The following LRRC37B variants were observed in gnomAD, a reference collection of about 807,000 sequenced individuals.
The protein encoded by LRRC37B is leucine rich repeat containing 37B.
Under a neutral mutation model 98.3 loss-of-function variants are expected in LRRC37B, and 28 were observed. The observed-to-expected ratio is 0.28, with a 90% CI of 0.21 to 0.39. The LOEUF (loss-of-function observed/expected upper bound fraction) is 0.39, where lower values mean the gene tolerates loss of function less well. Among genes scored for constraint, LRRC37B ranks in the 10% least tolerant of loss-of-function variants. The pLI, the probability that LRRC37B is intolerant of heterozygous loss-of-function variation, is 1.00. For synonymous variants in LRRC37B, 364 were observed against 442.7 expected (o/e 0.82, Z 2.23); for missense variants, 938 against 1,182.7 (o/e 0.79, Z 3.03).
At chr17:32,018,942 G>C (rs1212126197), upstream of LRRC37B, among the ~76,000 whole-genome samples, 4 of 152,052 alleles carry the variant, frequency 2.6e-5, no homozygotes. Context: ...TGTTGTTGTT[G>C]TTGTTATGGA....
rs548550017 is a variant in LRRC37B, at chr17:32,045,528, T to C, written c.2205-172T>C. The C allele has an allele frequency of 1.3e-4, 83 of 644,454 alleles. No individual in the cohort carries two copies. The African/African-American group carries it at 1.3e-3, about 10-fold the overall frequency. 39.9% of individuals were successfully genotyped at this position (644,454 alleles called of 1,614,324 possible). A position where few individuals can be genotyped will look rare whatever the true frequency, so the allele number is the denominator to read the frequency against. On this transcript the variant is annotated intron_variant, in intron 7 of 11. Transcript: ENST00000327564. ...ACTCACTGCCATGCTTACCCTTCAG[T>C]TGGGCACCTGTGTCCTCCTTCCCAT...
At chr17:32,019,491 T>C (rs1035129521), upstream of LRRC37B, among the ~76,000 whole-genome samples, 9 of 152,238 alleles carry the variant, frequency 5.9e-5, no homozygotes, top group Admixed American at 3.3e-4. Context: ...AATGCATGAC[T>C]GCATATGAAA....
rs377312057 is a variant in LRRC37B at position 32,022,188 on chromosome 17, G to T, written c.1123G>T (p.Val375Leu). 7.4e-6 allele frequency: 12 copies of T among 1,613,900 alleles called. No homozygotes were observed. In the East Asian group the frequency reaches 2.7e-4, roughly 36 times the overall value. Reference sequence around the variant, plus strand: ...CAAGTTTACAGTCAAACCTGCAGATGTGGAGGTTACCATGACTTCAGAGCC... The same window carrying T: ...CAAGTTTACAGTCAAACCTGCAGATTTGGAGGTTACCATGACTTCAGAGCC... Residue 375 changes from valine (V) to leucine (L), a missense_variant, in exon 1 of 12, where the codon GTG becomes TTG. Val to Leu is a conservative substitution (Grantham distance 32). This residue lies in a region of LRRC37B where 610 missense variants were observed against 625.6 expected (regional missense o/e 0.98). Coordinates refer to ENST00000327564, the Ensembl canonical transcript of LRRC37B.
intron 10 of LRRC37B, 147 bp downstream of exon 13, chr17:32,049,541 CTCATGTAGACAGTGAAATAGATTA>C: frequency 1.4e-6 from 1 of 740,164 alleles, no homozygotes; most frequent in East Asian, 2.7e-5. Context: ...TCCCACTTTG[CTCATGTAGACAGTGAAATAGATTA>C]GGGCACAAGA....
intron 5 of LRRC37B, 138 bp from the exon 9 acceptor site, chr17:32,034,772 C>G (rs2142251233): frequency 1.6e-6 from 1 of 612,374 alleles, no homozygotes; most frequent in East Asian, 3.2e-5. Context: ...TTTATGGAGT[C>G]TAATGGTGAT....
intron 1 of LRRC37B, among the ~76,000 whole-genome samples, chr17:32,011,399 A>C (rs192681444): frequency 3.3e-5 from 5 of 151,766 alleles, no homozygotes; most frequent in African/African-American, 7.3e-5. Flanking sequence ...AGGTCTCACT[A>C]TATTGCCCAG....
chr17:32,025,978 T>G (rs1910942110), intron 2 of LRRC37B, among the ~76,000 whole-genome samples: 1 of 152,246 alleles, frequency 6.6e-6, no homozygotes. Flanking sequence ...ACTCATGAAT[T>G]TAATTAAATA....
chr17:32,042,008 G>A (rs1212867668), intron 7 of LRRC37B: 1 of 357,122 alleles, frequency 2.8e-6, no homozygotes, highest in African/African-American at 2.1e-5. Flanking sequence ...CCCTCCACAA[G>A]CCTGCTCCTG....
In LRRC37B at chr17:32,021,188, G is replaced by A. The variant is rs149123211; in HGVS notation, c.123G>A (p.Thr41=). The change falls in exon 1 of 12, where the codon ACG becomes ACA. Residue 41 remains threonine (T), a synonymous_variant. Transcript: ENST00000327564. Reference sequence around the variant, plus strand: ...TCTGGGGCCCATGGCCCCTCCTTACGTGGCAACTATTGTCTTTACTAGTCA... The same window carrying A: ...TCTGGGGCCCATGGCCCCTCCTTACATGGCAACTATTGTCTTTACTAGTCA... 45 of 1,613,300 alleles carry A rather than the reference G, an allele frequency of 2.8e-5. No homozygotes were observed. In the East Asian group the frequency reaches 3.1e-4, roughly 11 times the overall value.
chr17:32,009,978 A>T (rs955087900), intron 1 of LRRC37B, among the ~76,000 whole-genome samples: 3 of 152,246 alleles, frequency 2.0e-5, no homozygotes, highest in East Asian at 3.9e-4. Context: ...AGAGTTCTTT[A>T]TATATTTTGG....
intron 8 of LRRC37B, chr17:32,047,111 AG>A (rs1320262782): frequency 6.4e-6 from 1 of 155,822 alleles, no homozygotes; most frequent in African/African-American, 2.4e-5. Flanking sequence ...CCCAAATTTA[AG>A]AAAAGAACTA....
At chr17:32,022,503 A>G in exon 1 of LRRC37B, 6 of 1,613,402 alleles carry the variant, frequency 3.7e-6, no homozygotes, top group Non-Finnish European at 5.1e-6. Flanking sequence ...GGGGCTTGCC[A>G]TAACTCCAGA....
upstream of LRRC37B, among the ~76,000 whole-genome samples, chr17:32,016,019 T>C (rs1050673117): frequency 3.3e-5 from 5 of 152,310 alleles, no homozygotes; most frequent in East Asian, 9.6e-4. Flanking sequence ...GGCAAACTTT[T>C]TATTAAAAAT....
chr17:32,008,085 A>G, exon 1 of LRRC37B: 1 of 457,094 alleles, frequency 2.2e-6, no homozygotes, highest in Admixed American at 2.6e-5. Context: ...GAAGATGACG[A>G]CGAGGACGCC....
At chr17:32,040,637 C>T (rs1371038131) in intron 7 of LRRC37B, 6 of 778,180 alleles carry the variant, frequency 7.7e-6, no homozygotes, top group African/African-American at 3.4e-5. Flanking sequence ...TGACCATGCT[C>T]AACACAGTGT....
upstream of LRRC37B, among the ~76,000 whole-genome samples, chr17:32,017,629 A>C (rs898392167): frequency 1.8e-4 from 28 of 152,156 alleles, no homozygotes; most frequent in Non-Finnish European, 3.8e-4. Context: ...ACAAAGCAGG[A>C]CCATGTCTCT....
intron 6 of LRRC37B, 146 bp downstream of exon 9, chr17:32,035,127 G>A: frequency 1.6e-6 from 1 of 643,086 alleles, no homozygotes; most frequent in Non-Finnish European, 2.6e-6. Flanking sequence ...GCAAAGAAAA[G>A]GATTAAGAAA....
chr17:32,009,924 A>T (rs867874409), intron 1 of LRRC37B, among the ~76,000 whole-genome samples: 1 of 151,702 alleles, frequency 6.6e-6, no homozygotes, highest in Non-Finnish European at 1.5e-5. Context: ...GGGATTAGAG[A>T]CATGAGCCAC....
chr17:32,038,079 A>T (rs1188022486), intron 7 of LRRC37B, among the ~76,000 whole-genome samples: 3 of 151,648 alleles, frequency 2.0e-5, no homozygotes, highest in Non-Finnish European at 2.9e-5. Context: ...GTGAGCAGAG[A>T]TCACGCCACT....
Sources: allele counts gnomAD v4.1 joint callset (sites outside exome capture counted in the v4.1 genomes callset), GRCh38; gene constraint gnomAD v4.1.1; regional missense constraint gnomAD v4.1.1; transcripts MANE v1.5; gene names NCBI Gene and HGNC (gene_info 2026-07-23, HGNC 2026-07-21).